The following ADCY10 variants were observed in gnomAD, a reference collection of about 807,000 sequenced individuals.
The protein encoded by ADCY10 is adenylate cyclase type 10.
Under a neutral mutation model 183.3 loss-of-function variants are expected in ADCY10, and 156 were observed. The observed-to-expected ratio is 0.85, with a 90% CI of 0.75 to 0.97. ADCY10 has a LOEUF of 0.97. Among genes scored for constraint, ADCY10 ranks in the 50% least tolerant of loss-of-function variants. ADCY10 has a pLI of 0.00. For missense variants in ADCY10, 1,745 were observed against 1,934.3 expected (o/e 0.90, Z 1.84); for synonymous variants, 645 against 670.0 (o/e 0.96, Z 0.58).
At chr1:167,847,484 C>G (rs905225358) in intron 19 of ADCY10, among the ~76,000 whole-genome samples, 1 of 151,618 alleles carries the variant, frequency 6.6e-6, no homozygotes, top group African/African-American at 2.4e-5. Flanking sequence ...GGCGTGATCT[C>G]GGCTCACTGC....
intron 8 of ADCY10, among the ~76,000 whole-genome samples, chr1:167,891,613 G>T (rs940908840): frequency 1.4e-5 from 2 of 147,288 alleles, no homozygotes; most frequent in African/African-American, 5.1e-5. Context: ...CCAAGATTGC[G>T]CCACTGCACT....
At position 167,914,068 on chromosome 1, in the gene ADCY10, A is replaced by G. The variant is rs377420708; in HGVS notation, c.-151T>C. Reference sequence around the variant, plus strand: ...AAGACAGGAGAGGAGGCCGGGTGACATTATTCTGAAGACAGCTGAAGCGCC... The same window carrying G: ...AAGACAGGAGAGGAGGCCGGGTGACGTTATTCTGAAGACAGCTGAAGCGCC... On this transcript the variant is annotated 5_prime_UTR_variant, in exon 1 of 33. The change abolishes an upstream ATG in the 5' untranslated region. Coordinates refer to ENST00000367851, the MANE Select transcript of ADCY10 (RefSeq NM_018417.6). The G allele has an allele frequency of 2.6e-5, 4 of 152,436 alleles. No individual in the cohort carries two copies. In the East Asian group the frequency reaches 7.7e-4, roughly 29 times the overall value. 9.4% of individuals were successfully genotyped at this position (152,436 alleles called of 1,614,324 possible). A position where few individuals can be genotyped will look rare whatever the true frequency, so the allele number is the denominator to read the frequency against.
intron 26 of ADCY10, among the ~76,000 whole-genome samples, chr1:167,828,649 C>T (rs2101886032): frequency 6.6e-6 from 1 of 152,188 alleles, no homozygotes; most frequent in South Asian, 2.1e-4. Context: ...ATGTAATAGG[C>T]TTGTTATCTT....
At chr1:167,854,051 C>T (rs1485834587) in intron 18 of ADCY10, among the ~76,000 whole-genome samples, 1 of 151,950 alleles carries the variant, frequency 6.6e-6, no homozygotes, top group Non-Finnish European at 1.5e-5. Flanking sequence ...GTTGGCCAGG[C>T]TGGTCTTGAA....
Position 167,809,514 on chromosome 1 carries a change from A to T in ADCY10, c.*164T>A. The T allele has an allele frequency of 1.3e-6, 1 of 764,100 alleles. No homozygotes were observed. The highest frequency in any genetic ancestry group is 2.1e-6 in the Non-Finnish European group (1 of 468,564). The allele number at this position is 764,100 out of a possible 1,614,324, so 47.3% of individuals were successfully genotyped here. On this transcript the variant is annotated 3_prime_UTR_variant, in exon 33 of 33. Transcript: ENST00000367851. Reference sequence around the variant, plus strand: ...GAAGAAGTAAACCATGACACTCCTGACCCTTGTAGGCCCTCCAGAAAGAGA... The same window carrying T: ...GAAGAAGTAAACCATGACACTCCTGTCCCTTGTAGGCCCTCCAGAAAGAGA...
intron 8 of ADCY10, among the ~76,000 whole-genome samples, chr1:167,892,979 CA>C (rs1299763881): frequency 1.3e-5 from 2 of 152,090 alleles, no homozygotes; most frequent in Non-Finnish European, 2.9e-5. Flanking sequence ...AAATATCTAC[CA>C]AGGACTGTAA....
In ADCY10 at chr1:167,809,792, C is replaced by A. The variant is rs1217051763; in HGVS notation, c.4719G>T (p.Gln1573His). 6.2e-7 allele frequency: 1 copy of A among 1,614,190 alleles called. No individual in the cohort carries two copies. The highest frequency in any genetic ancestry group is 2.2e-5 in the East Asian group (1 of 44,878). ...TSELKEDQWL[Q>H]TILSLPSWEK... ...CCCATGATGGGAGACTCAAGATCGT[C>A]TGAAGCCATTGGTCTTCTTTTAACT... The change falls in exon 33 of 33, where the codon CAG (glutamine) becomes CAT (histidine). Residue 1573 changes from glutamine (Q) to histidine (H), a missense_variant. Transcript: ENST00000367851.
intron 14 of ADCY10, among the ~76,000 whole-genome samples, chr1:167,865,399 C>T (rs896236188): frequency 6.6e-6 from 1 of 152,104 alleles, no homozygotes; most frequent in Non-Finnish European, 1.5e-5. Flanking sequence ...TCTTGAAGCA[C>T]CAACCTGCTC....
intron 7 of ADCY10, among the ~76,000 whole-genome samples, 168 bp from the exon 8 acceptor site, chr1:167,894,109 A>T (rs1668796846): frequency 6.6e-6 from 1 of 152,182 alleles, no homozygotes; most frequent in Admixed American, 6.6e-5. Context: ...GGGGAAATCC[A>T]AAGAGGAGCT....
chr1:167,824,571 G>T lies in ADCY10; in HGVS notation c.3957C>A (p.Gly1319=). ...GTGCCCACATCTGAAGGGCTCGGGA[G>T]CCTGGGAAGAAAACAATTCCAGTAT... The part of the protein sequence containing the change: ...MGHLDLAIEL[G]SRALQMWALL... The change falls in exon 28 of 33, where the codon GGC becomes GGA. Residue 1319 remains glycine, a splice_region_variant and synonymous_variant. Coordinates refer to ENST00000367851, the MANE Select transcript of ADCY10 (RefSeq NM_018417.6). The T allele has an allele frequency of 6.2e-7, 1 of 1,614,180 alleles. No individual in the cohort carries two copies. The highest frequency in any genetic ancestry group is 1.7e-4 in the Middle Eastern group (1 of 6,060).
intron 9 of ADCY10, among the ~76,000 whole-genome samples, chr1:167,882,624 G>A: frequency 6.6e-6 from 1 of 152,062 alleles, no homozygotes; most frequent in East Asian, 1.9e-4. Flanking sequence ...AGCTTCTGGG[G>A]TAAGATGGTT....
chr1:167,907,783 T>A (rs1669913861), intron 1 of ADCY10, among the ~76,000 whole-genome samples: 1 of 152,244 alleles, frequency 6.6e-6, no homozygotes, highest in South Asian at 2.1e-4. Flanking sequence ...AGACAATGTA[T>A]ATATTGACTT....
At chr1:167,885,771 C>T (rs377373889) in intron 8 of ADCY10, among the ~76,000 whole-genome samples, 81 of 152,162 alleles carry the variant, frequency 5.3e-4, no homozygotes, top group South Asian at 1.5e-3. Context: ...CCCACCACTA[C>T]GCCCAGCTAA....
intron 31 of ADCY10, among the ~76,000 whole-genome samples, chr1:167,812,697 T>C (rs965532716): frequency 6.6e-6 from 1 of 151,948 alleles, no homozygotes; most frequent in Non-Finnish European, 1.5e-5. Context: ...ATGGCAGATA[T>C]CCTACACAAA....
chr1:167,829,799 A>C (rs1408987917), intron 25 of ADCY10, among the ~76,000 whole-genome samples: 1 of 152,234 alleles, frequency 6.6e-6, no homozygotes, highest in Non-Finnish European at 1.5e-5. Context: ...GAGGAAGGTG[A>C]GACTCAGGTT....
Position 167,836,337 on chromosome 1 carries a change from G to A in ADCY10, c.3281C>T (p.Ala1094Val), listed in dbSNP as rs1282210208. Residue 1094 changes from alanine (A) to valine (V), a missense_variant, in exon 23 of 33, where the codon GCT becomes GTT. Transcript: ENST00000367851. The stretch of plus-strand genomic sequence containing the variant: ...GTAGTTATCACAAAAGATGAGATAA[G>A]CAGATGCAATTTCTAAGAAGTAATA... ...ALYYFLEIAS[A>V]YLIFCDNYMA... is the part of the protein sequence containing the mutation. 5.6e-6 allele frequency: 9 copies of A among 1,613,696 alleles called. No individual in the cohort carries two copies. The highest frequency in any genetic ancestry group is 7.6e-6 in the Non-Finnish European group (9 of 1,179,598).
intron 21 of ADCY10, 123 bp from the exon 22 acceptor site, chr1:167,837,441 T>C (rs1664303179): frequency 1.2e-6 from 1 of 800,882 alleles, no homozygotes; most frequent in South Asian, 1.4e-5. Flanking sequence ...AGAAACCACA[T>C]TGCCTAGTCC....
chr1:167,830,322 A>T (rs1663623270), intron 25 of ADCY10, among the ~76,000 whole-genome samples: 1 of 151,010 alleles, frequency 6.6e-6, no homozygotes, highest in African/African-American at 2.4e-5. Context: ...GCATGTCCTT[A>T]ACCTTGGCAA....
Position 167,820,065 on chromosome 1 carries a change from C to T in ADCY10, c.4287-1798G>A, listed in dbSNP as rs905496701. 3 of 1,573,760 alleles carry T rather than the reference C, an allele frequency of 1.9e-6. No homozygotes were observed. The African/African-American group carries it at 4.1e-5, about 21-fold the overall frequency. ...ACGTTTCAAAGCCTCTTTCGTTACT[C>T]ATCCTTGAGATAAAATTTGGCTATG... is the stretch of plus-strand genomic sequence containing the variant. On this transcript the variant is annotated intron_variant, in intron 30 of 32. Transcript: ENST00000367851.
Sources: allele counts gnomAD v4.1 joint callset (sites outside exome capture counted in the v4.1 genomes callset), GRCh38; gene constraint gnomAD v4.1.1; transcripts MANE v1.5; gene names NCBI Gene and HGNC (gene_info 2026-07-23, HGNC 2026-07-21).